The following HAO2 variants were observed in gnomAD, a reference collection of about 807,000 sequenced individuals.
HAO2 encodes hydroxyacid oxidase 2, also known as 2-Hydroxyacid oxidase 2.
HAO2 carries 42 observed loss-of-function variants against 37.4 expected under a neutral mutation model. The ratio of observed to expected loss-of-function variants is 1.12; its 90% CI spans 0.88 to 1.45. The LOEUF (loss-of-function observed/expected upper bound fraction) is 1.45, where lower values mean the gene tolerates loss of function less well. Among genes scored for constraint, HAO2 ranks in the 40% most tolerant of loss-of-function variants. The pLI is 0.00. For missense variants in HAO2, 476 were observed against 430.2 expected (o/e 1.11, Z -0.94); for synonymous variants, 180 against 162.8 (o/e 1.11, Z -0.81).
At chr1:119,375,425 T>C (rs1280094254) in intron 1 of HAO2, among the ~76,000 whole-genome samples, 1 of 152,026 alleles carries the variant, frequency 6.6e-6, no homozygotes, top group Non-Finnish European at 1.5e-5. Context: ...GATTTACATA[T>C]ATTATATTAA....
Position 119,384,821 on chromosome 1 carries a change from G to T in HAO2, c.329G>T (p.Ser110Ile). The T allele has an allele frequency of 2.5e-6, 4 of 1,613,926 alleles. No homozygotes were observed. Among genetic ancestry groups the T allele is most frequent in the Non-Finnish European group, 3.4e-6 (4 of 1,179,866 alleles). The change falls in exon 4 of 8, where the codon AGC becomes ATC. Residue 110 changes from serine to isoleucine, a missense_variant. Coordinates refer to ENST00000325945, the MANE Select transcript of HAO2 (RefSeq NM_016527.4). ...GICYITSTFA[S>I]CSLEDIVIAA... The stretch of plus-strand genomic sequence containing the variant: ...TGCTACATCACCAGCACATTTGCCA[G>T]CTGTAGCCTTGAAGACATTGTCATT...
intron 1 of HAO2, among the ~76,000 whole-genome samples, chr1:119,380,340 A>C (rs1220739189): frequency 1.5e-4 from 23 of 152,188 alleles, no homozygotes; most frequent in Admixed American, 1.5e-3. Context: ...GAATAAATGG[A>C]GCCAACATAC....
At chr1:119,382,183 A>T (rs1649999820) in intron 2 of HAO2, among the ~76,000 whole-genome samples, 1 of 152,308 alleles carries the variant, frequency 6.6e-6, no homozygotes, top group East Asian at 1.9e-4. Flanking sequence ...TTGGATTATT[A>T]TTCCTATTTC....
intron 5 of HAO2, among the ~76,000 whole-genome samples, chr1:119,388,606 G>C (rs587605614): frequency 2.2e-4 from 33 of 152,244 alleles, no homozygotes; most frequent in African/African-American, 7.2e-4. Context: ...TGAGGGTTTT[G>C]CTTCAGGTGA....
chr1:119,382,768 G>T (rs781107850), intron 2 of HAO2, 147 bp from the exon 3 acceptor site: 7 of 655,792 alleles, frequency 1.1e-5, no homozygotes, highest in African/African-American at 1.8e-5. Flanking sequence ...AGGTTACTCA[G>T]CTCTCAGCCA....
chr1:119,392,713 T>A (rs188223185), intron 7 of HAO2, 26 bp downstream of exon 7: 128 of 1,418,114 alleles, frequency 9.0e-5, no homozygotes, highest in Middle Eastern at 8.8e-4. Flanking sequence ...TTCCCTGATT[T>A]GGAACTTAAA....
At chr1:119,393,758 G>T (rs1433143952) in intron 7 of HAO2, 27 bp from the exon 8 acceptor site, 4 of 1,609,562 alleles carry the variant, frequency 2.5e-6, no homozygotes, top group Admixed American at 1.7e-5. Context: ...TGACAAAAAT[G>T]AGCTTGTAAC....
At chr1:119,388,704 C>T (rs991429024) in intron 5 of HAO2, among the ~76,000 whole-genome samples, 9 of 152,160 alleles carry the variant, frequency 5.9e-5, no homozygotes, top group African/African-American at 2.2e-4. Flanking sequence ...AACAAACTTC[C>T]AGCTCACAGG....
chr1:119,376,377 T>C (rs1375196510), intron 1 of HAO2, among the ~76,000 whole-genome samples: 1 of 152,242 alleles, frequency 6.6e-6, no homozygotes, highest in Non-Finnish European at 1.5e-5. Context: ...TGGGCAGCTC[T>C]GCCTCTGTGG....
chr1:119,381,243 GT>G, intron 2 of HAO2, 27 bp downstream of exon 2: 2 of 1,585,028 alleles, frequency 1.3e-6, no homozygotes, highest in Non-Finnish European at 1.7e-6. Context: ...CCTGTCTATT[GT>G]TAGGTTAAGG....
rs151000457 is a variant in HAO2, at chr1:119,384,073, T to A, written c.284-703T>A. ...TTATAGTGGGACAGTGACATTAACC[T>A]GTTGGAGATTTCATTGAAATGAATA... On this transcript the variant is annotated intron_variant, in intron 3 of 7. Transcript: ENST00000325945. 1.2e-3 allele frequency among the ~76,000 whole-genome samples: 190 copies of A among 152,316 alleles called. 2 individuals carry two copies. In the Middle Eastern group the frequency reaches 0.017, roughly 14 times the overall value.
intron 5 of HAO2, among the ~76,000 whole-genome samples, chr1:119,388,390 TG>T (rs1444167033): frequency 1.3e-5 from 2 of 152,212 alleles, no homozygotes; most frequent in African/African-American, 4.8e-5. Flanking sequence ...TTGGAATAAC[TG>T]AGTAATGAGT....
At chr1:119,369,159 T>C (rs1391456684) in intron 1 of HAO2, among the ~76,000 whole-genome samples, 1 of 152,168 alleles carries the variant, frequency 6.6e-6, no homozygotes, top group East Asian at 1.9e-4. Context: ...GGAATATTCG[T>C]GGGTGTCCAT....
chr1:119,392,245 A>G lies in HAO2; in HGVS notation c.907A>G (p.Ile303Val), dbSNP rs760127174. The part of the protein sequence containing the change: ...GAKCIFLGRP[I>V]LWGLACKGEH... ...TAAGTGCATTTTTCTTGGGAGACCA[A>G]TCCTATGGGGCCTTGCCTGCAAGGT... Residue 303 changes from isoleucine to valine, a missense_variant, in exon 6 of 8, where the codon ATC becomes GTC. Ile to Val is a conservative substitution (Grantham distance 29). Transcript: ENST00000325945. 6 of 1,613,036 alleles carry G rather than the reference A, an allele frequency of 3.7e-6. No individual in the cohort carries two copies. Among genetic ancestry groups the G allele is most frequent in the Non-Finnish European group, 3.4e-6 (4 of 1,179,410 alleles).
At chr1:119,392,031 T>C (rs1341600683) in intron 5 of HAO2, 79 bp from the exon 6 acceptor site, 1 of 1,343,292 alleles carries the variant, frequency 7.4e-7, no homozygotes. Context: ...CAGCTTGGTT[T>C]TCCTGGTCAT....
chr1:119,393,729 G>T, intron 7 of HAO2, 56 bp from the exon 8 acceptor site: 1 of 1,430,362 alleles, frequency 7.0e-7, no homozygotes, highest in Non-Finnish European at 9.9e-7. Context: ...TACCCATGAT[G>T]AGGTGAGTTG....
At chr1:119,392,732 G>A in intron 7 of HAO2, 45 bp downstream of exon 7, 1 of 1,165,344 alleles carries the variant, frequency 8.6e-7, no homozygotes, top group Non-Finnish European at 1.3e-6. Flanking sequence ...AAGCAGGATG[G>A]CTAAAGAATA....
chr1:119,392,115 T>A lies in HAO2; in HGVS notation c.777T>A (p.Asp259Glu), dbSNP rs143202786. Reference sequence around the variant, plus strand: ...CATGTGTATCTCCTTTTCAGATTGATGCTTTGACAGAAGTGGTGGCTGCTG... The same window carrying A: ...CATGTGTATCTCCTTTTCAGATTGAAGCTTTGACAGAAGTGGTGGCTGCTG... ...RQLDEVLASI[D>E]ALTEVVAAVK... Residue 259 changes from aspartate (D) to glutamate (E), a missense_variant, in exon 6 of 8, where the codon GAT (aspartate) becomes GAA (glutamate). Coordinates refer to ENST00000325945, the MANE Select transcript of HAO2 (RefSeq NM_016527.4). The A allele has an allele frequency of 3.1e-5, 50 of 1,612,124 alleles. No individual in the cohort carries two copies. The Middle Eastern group carries it at 6.6e-4, about 21-fold the overall frequency.
rs587630317 is a variant in HAO2, at chr1:119,383,035, C to T, written c.252C>T (p.Val84=). The change falls in exon 3 of 8, where the codon GTC becomes GTT. Residue 84 remains valine (V), a synonymous_variant. Coordinates refer to ENST00000325945, the MANE Select transcript of HAO2 (RefSeq NM_016527.4). ...CIAPTGFHCL[V]WPDGEMSTAR... is the part of the protein sequence containing the mutation. ...CACCCACAGGGTTCCACTGCCTTGT[C>T]TGGCCTGATGGGGAAATGAGCACAG... 2.5e-4 allele frequency: 407 copies of T among 1,613,104 alleles called. 4 individuals carry two copies. The South Asian group carries it at 4.2e-3, about 17-fold the overall frequency.
Sources: gnomAD v4.1 joint callset for allele counts (sites outside exome capture counted in the v4.1 genomes callset) on GRCh38, gnomAD v4.1.1 for gene constraint, MANE v1.5 for transcripts, NCBI Gene and HGNC (gene_info 2026-07-23, HGNC 2026-07-21) for gene names.